The following RRAS2 variants were observed in gnomAD, a reference collection of about 807,000 sequenced individuals.
RRAS2 encodes the protein ras-related protein R-Ras2.
RRAS2 carries 7 observed loss-of-function variants against 27.6 expected under a neutral mutation model. The ratio of observed to expected loss-of-function variants is 0.25; its 90% CI spans 0.14 to 0.48. RRAS2 has a LOEUF of 0.48. RRAS2 is among the 20% of genes least tolerant of loss of function. The pLI is 0.99. For synonymous variants in RRAS2, 86 were observed against 90.9 expected (o/e 0.95, Z 0.31); for missense variants, 178 against 256.2 (o/e 0.69, Z 2.08).
At chr11:14,290,101 C>T (rs1849769234) in intron 4 of RRAS2, among the ~76,000 whole-genome samples, 1 of 152,114 alleles carries the variant, frequency 6.6e-6, no homozygotes, top group African/African-American at 2.4e-5. Flanking sequence ...GGTAGAACAA[C>T]GTAAGTGTGT....
At chr11:14,321,380 T>C (rs1214759684) in intron 1 of RRAS2, among the ~76,000 whole-genome samples, 1 of 152,340 alleles carries the variant, frequency 6.6e-6, no homozygotes, top group Non-Finnish European at 1.5e-5. Context: ...AAGTCCCTCA[T>C]TCTTTATACT....
intron 1 of RRAS2, among the ~76,000 whole-genome samples, chr11:14,331,582 T>C (rs1554951893): frequency 1.3e-5 from 2 of 150,164 alleles, no homozygotes; most frequent in East Asian, 2.0e-4. Context: ...CGCACATCTA[T>C]AGTCCCAGCT....
At chr11:14,295,091 A>G (rs868949750) in intron 2 of RRAS2, among the ~76,000 whole-genome samples, 1 of 152,208 alleles carries the variant, frequency 6.6e-6, no homozygotes, top group Admixed American at 6.5e-5. Flanking sequence ...TGGTTAGAAT[A>G]TATTAGCACA....
intron 1 of RRAS2, among the ~76,000 whole-genome samples, chr11:14,343,903 G>A (rs1034532648): frequency 3.6e-4 from 54 of 152,004 alleles, no homozygotes; most frequent in Non-Finnish European, 6.6e-4. Context: ...CACTTCGGGA[G>A]GCCAAGGTGG....
At chr11:14,279,568 C>T in intron 5 of RRAS2, 144 bp from the exon 6 acceptor site, 2 of 658,878 alleles carry the variant, frequency 3.0e-6, no homozygotes, top group Non-Finnish European at 2.6e-6. Context: ...CTCTTTCCTA[C>T]CCCCACCAAA....
intron 4 of RRAS2, 67 bp from the exon 5 acceptor site, chr11:14,281,787 C>A (rs1184941213): frequency 1.6e-5 from 21 of 1,335,262 alleles, no homozygotes; most frequent in Non-Finnish European, 2.1e-5. Flanking sequence ...CTAATCCTGG[C>A]CACAGATTGT....
chr11:14,300,111 G>A (rs1258978827), intron 1 of RRAS2, among the ~76,000 whole-genome samples: 1 of 152,166 alleles, frequency 6.6e-6, no homozygotes, highest in Non-Finnish European at 1.5e-5. Flanking sequence ...GGGAAGAAGG[G>A]TGGACCCAAG....
At chr11:14,341,807 C>T (rs1261785968) in intron 1 of RRAS2, 1 of 454,578 alleles carries the variant, frequency 2.2e-6, no homozygotes, top group Non-Finnish European at 4.4e-6. Context: ...TACGCATACT[C>T]ACCTCCCGAC....
chr11:14,325,356 C>T (rs1019369239), intron 1 of RRAS2, among the ~76,000 whole-genome samples: 1 of 149,194 alleles, frequency 6.7e-6, no homozygotes, highest in African/African-American at 2.5e-5. Flanking sequence ...CTGTCGCCCA[C>T]GCTGGAGTGC....
chr11:14,358,148 A>G lies in RRAS2; in HGVS notation c.108+615T>C. ...CATCAGAGAACATTTTTAACTTCCTAGAAGCCACCATTTCCCCGGGGCATT... is the reference window on the plus strand; with the variant it reads ...CATCAGAGAACATTTTTAACTTCCTGGAAGCCACCATTTCCCCGGGGCATT... On this transcript the variant is annotated intron_variant, in intron 1 of 5. Transcript: ENST00000256196. The surrounding 1 kb of genome is among the most constrained non-coding windows in gnomAD (Gnocchi z 5.1). 1 of 883,124 alleles carries G rather than the reference A, an allele frequency of 1.1e-6. No homozygotes were observed. Among genetic ancestry groups the G allele is most frequent in the Non-Finnish European group, 1.4e-6 (1 of 736,624 alleles). The allele number at this position is 883,124 out of a possible 1,614,324, so 54.7% of individuals were successfully genotyped here. A position where few individuals can be genotyped will look rare whatever the true frequency, so the allele number is the denominator to read the frequency against.
At chr11:14,298,962 G>A (rs782674852) in intron 1 of RRAS2, among the ~76,000 whole-genome samples, 3 of 152,178 alleles carry the variant, frequency 2.0e-5, no homozygotes, top group African/African-American at 4.8e-5. Context: ...ATCAGTCCCC[G>A]TGATGAAGTG....
intron 1 of RRAS2, among the ~76,000 whole-genome samples, chr11:14,353,208 C>T (rs1554955011): frequency 6.6e-6 from 1 of 152,056 alleles, no homozygotes; most frequent in Admixed American, 6.5e-5. Flanking sequence ...TTATTCAAAG[C>T]TTAGGAAAGA....
At chr11:14,304,977 G>A (rs1847799623) in intron 1 of RRAS2, among the ~76,000 whole-genome samples, 1 of 152,062 alleles carries the variant, frequency 6.6e-6, no homozygotes, top group Non-Finnish European at 1.5e-5. Flanking sequence ...AATCTAACAT[G>A]TACAATTATA....
chr11:14,325,798 G>C (rs1848342104), intron 1 of RRAS2, among the ~76,000 whole-genome samples: 1 of 152,178 alleles, frequency 6.6e-6, no homozygotes, highest in African/African-American at 2.4e-5. Flanking sequence ...CATTTTTTAA[G>C]TGTGTAGAAG....
intron 1 of RRAS2, among the ~76,000 whole-genome samples, chr11:14,304,360 A>G (rs782654070): frequency 7.2e-5 from 11 of 152,200 alleles, no homozygotes; most frequent in Non-Finnish European, 7.3e-5. Context: ...ATTGTCTTAG[A>G]ACCCTTAATA....
chr11:14,313,538 G>A (rs1554949136), intron 1 of RRAS2, among the ~76,000 whole-genome samples: 1 of 152,158 alleles, frequency 6.6e-6, no homozygotes, highest in East Asian at 1.9e-4. Context: ...TTTGGAAATA[G>A]GGTCTTTACA....
exon 1 of RRAS2, chr11:14,364,433 G>T: frequency 6.5e-7 from 1 of 1,533,348 alleles, no homozygotes; most frequent in East Asian, 2.4e-5. Flanking sequence ...TCCTTAATGG[G>T]CCATTGCTTT....
chr11:14,335,334 A>G (rs1284420942), intron 1 of RRAS2, among the ~76,000 whole-genome samples: 1 of 152,194 alleles, frequency 6.6e-6, no homozygotes, highest in Non-Finnish European at 1.5e-5. Flanking sequence ...CTCTGCACCT[A>G]AATCTCTTAC....
intron 1 of RRAS2, among the ~76,000 whole-genome samples, chr11:14,326,837 G>A (rs1554951062): frequency 6.1e-5 from 1 of 16,334 alleles, no homozygotes; most frequent in East Asian, 1.1e-3. Context: ...GAGGCGGGCG[G>A]ATCACGAGGT....
Sources: allele counts gnomAD v4.1 joint callset (sites outside exome capture counted in the v4.1 genomes callset), GRCh38; gene constraint gnomAD v4.1.1; non-coding constraint Gnocchi (gnomAD v3.1); transcripts MANE v1.5; gene names NCBI Gene and HGNC (gene_info 2026-07-23, HGNC 2026-07-21).